RGL1: variants seen among roughly 807,000 people sequenced by gnomAD.
RGL1 encodes the protein ral guanine nucleotide dissociation stimulator like 1, also known as ral guanine nucleotide dissociation stimulator-like 1.
Under a neutral mutation model 95.2 loss-of-function variants are expected in RGL1, and 24 were observed. The ratio of observed to expected loss-of-function variants is 0.25; its 90% CI spans 0.18 to 0.35. The LOEUF (loss-of-function observed/expected upper bound fraction) is 0.35, where lower values mean the gene tolerates loss of function less well. Among genes scored for constraint, RGL1 ranks in the 10% least tolerant of loss-of-function variants. The pLI is 1.00. For synonymous variants in RGL1, 329 were observed against 344.9 expected (o/e 0.95, Z 0.51); for missense variants, 715 against 936.3 (o/e 0.76, Z 3.08).
chr1:183,848,984 A>G (rs559812797), intron 3 of RGL1, among the ~76,000 whole-genome samples: 1 of 152,300 alleles, frequency 6.6e-6, no homozygotes, highest in East Asian at 1.9e-4. Context: ...TATGTCATAT[A>G]TATGATATGT....
chr1:183,824,155 T>C (rs560675379), intron 2 of RGL1, among the ~76,000 whole-genome samples: 40 of 152,166 alleles, frequency 2.6e-4, no homozygotes, highest in Non-Finnish European at 4.7e-4. Context: ...AAATCTGGGA[T>C]TTTGGGAACA....
At chr1:183,905,811 G>A (rs578237175) in intron 13 of RGL1, among the ~76,000 whole-genome samples, 23 of 152,078 alleles carry the variant, frequency 1.5e-4, no homozygotes, top group African/African-American at 4.1e-4. Flanking sequence ...TGATTGGGGT[G>A]GGGGGGAACA....
Position 183,763,202 on chromosome 1 carries a change from A to G in RGL1, c.132+20913A>G, listed in dbSNP as rs948076620. On this transcript the variant is annotated intron_variant, in intron 2 of 18. Coordinates refer to the RGL1 transcript ENST00000304685. ...GGAGCTGAACAATGAGAACACAGGG[A>G]CACAGGGAGGGGAACATCACACACT... Among the ~76,000 whole-genome samples the G allele has an allele frequency of 3.9e-5, 6 of 152,294 alleles. No homozygotes were observed. The East Asian group carries it at 1.2e-3, about 29-fold the overall frequency.
At chr1:183,646,258 T>C (rs1252062004) in intron 1 of RGL1, 2 of 152,230 alleles carry the variant, frequency 1.3e-5, no homozygotes, top group African/African-American at 4.8e-5. Flanking sequence ...TTAAAATTTG[T>C]ATGCTAACAA....
intron 1 of RGL1, among the ~76,000 whole-genome samples, chr1:183,711,530 G>A (rs1373977430): frequency 1.3e-5 from 2 of 152,122 alleles, no homozygotes; most frequent in African/African-American, 4.8e-5. Flanking sequence ...CACTCTTACT[G>A]GGTCTTTCCA....
chr1:183,801,881 ACTCACACAATAC>A (rs1346326845), upstream of RGL1, among the ~76,000 whole-genome samples: 3 of 152,194 alleles, frequency 2.0e-5, no homozygotes, highest in Non-Finnish European at 4.4e-5. Context: ...TAAAGTGAGA[ACTCACACAATAC>A]CTTGAGGATG....
chr1:183,751,745 G>T (rs988827773), intron 2 of RGL1, among the ~76,000 whole-genome samples: 1 of 152,170 alleles, frequency 6.6e-6, no homozygotes, highest in South Asian at 2.1e-4. Context: ...TAGTATCTGG[G>T]CCAGAGAGCA....
At chr1:183,814,869 A>G (rs990494113) in intron 2 of RGL1, among the ~76,000 whole-genome samples, 4 of 152,236 alleles carry the variant, frequency 2.6e-5, no homozygotes, top group African/African-American at 9.6e-5. Flanking sequence ...TCTGTGGACA[A>G]TATTTATCTA....
intron 10 of RGL1, among the ~76,000 whole-genome samples, chr1:183,898,275 G>A (rs1015126106): frequency 6.6e-6 from 1 of 152,152 alleles, no homozygotes; most frequent in Non-Finnish European, 1.5e-5. Context: ...GTCAGCTTCT[G>A]ATACATGGTG....
chr1:183,836,804 C>T (rs1663694393), intron 2 of RGL1, among the ~76,000 whole-genome samples: 1 of 152,148 alleles, frequency 6.6e-6, no homozygotes, highest in Admixed American at 6.5e-5. Flanking sequence ...AAAGCTACAT[C>T]TTACATCTGA....
chr1:183,847,591 G>T lies in RGL1; in HGVS notation c.164G>T (p.Gly55Val), dbSNP rs1029800427. 1.2e-6 allele frequency: 2 copies of T among 1,613,946 alleles called. No homozygotes were observed. The highest frequency in any genetic ancestry group is 2.7e-5 in the African/African-American group (2 of 74,918). ...LGVEGDQLPPGHTVSQYETCK... is the reference protein window; with the variant it reads ...LGVEGDQLPPVHTVSQYETCK... ...GTTGAAGGGGACCAGCTGCCTCCAG[G>T]ACACACAGTCAGTCAATATGAAACC... Residue 55 changes from glycine to valine, a missense_variant, in exon 3 of 18, where the codon GGA becomes GTA. Transcript: ENST00000360851.
chr1:183,676,645 A>G (rs1211344001), intron 1 of RGL1, among the ~76,000 whole-genome samples: 1 of 149,626 alleles, frequency 6.7e-6, no homozygotes, highest in Non-Finnish European at 1.5e-5. Flanking sequence ...ATTTTAATGC[A>G]GCCTGAAGTG....
At chr1:183,860,805 T>C (rs1322254462) in intron 3 of RGL1, among the ~76,000 whole-genome samples, 1 of 152,212 alleles carries the variant, frequency 6.6e-6, no homozygotes, top group Non-Finnish European at 1.5e-5. Context: ...ACAGAGACTT[T>C]GGTTTGTTTG....
At chr1:183,684,969 T>C (rs1156674021) in intron 1 of RGL1, among the ~76,000 whole-genome samples, 2 of 152,222 alleles carry the variant, frequency 1.3e-5, no homozygotes, top group Non-Finnish European at 2.9e-5. Context: ...CAGTTGGAAA[T>C]GCAGAAAATC....
intron 1 of RGL1, among the ~76,000 whole-genome samples, chr1:183,735,133 T>A (rs1466603050): frequency 6.6e-6 from 1 of 152,162 alleles, no homozygotes; most frequent in Non-Finnish European, 1.5e-5. Flanking sequence ...AGTATGTGGT[T>A]TGAAGACCAG....
At chr1:183,920,926 A>G (rs1241125863) in intron 16 of RGL1, among the ~76,000 whole-genome samples, 2 of 152,144 alleles carry the variant, frequency 1.3e-5, no homozygotes, top group Non-Finnish European at 2.9e-5. Context: ...TCAGGCACAC[A>G]ATGGCAGTTT....
intron 16 of RGL1, among the ~76,000 whole-genome samples, chr1:183,921,591 T>C (rs930752305): frequency 6.6e-6 from 1 of 152,266 alleles, no homozygotes; most frequent in African/African-American, 2.4e-5. Flanking sequence ...AGTAGGATTC[T>C]ATTATGAATA....
Position 183,892,121 on chromosome 1 carries a change from A to C in RGL1, c.1100A>C (p.Asp367Ala). The change falls in exon 9 of 18, where the codon GAC becomes GCC. Residue 367 changes from aspartate (D) to alanine (A), a missense_variant. Asp to Ala is a moderately radical substitution (Grantham distance 126, BLOSUM62 -2). This residue lies in a region of RGL1 where 381 missense variants were observed against 484.8 expected (regional missense o/e 0.79). Transcript: ENST00000360851. ...GAAGAACTTTCAGATATCTTCTCAG[A>C]CCATAATAACCATTTGACCAGCCGA... ...MFEELSDIFSDHNNHLTSREL... is the reference protein window; with the variant it reads ...MFEELSDIFSAHNNHLTSREL... The C allele has an allele frequency of 1.2e-6, 2 of 1,612,944 alleles. No homozygotes were observed. The highest frequency in any genetic ancestry group is 1.7e-6 in the Non-Finnish European group (2 of 1,179,376).
At chr1:183,668,900 A>T in intron 1 of RGL1, among the ~76,000 whole-genome samples, 1 of 144,122 alleles carries the variant, frequency 6.9e-6, no homozygotes, top group African/African-American at 2.6e-5. Flanking sequence ...TTTTATTTTC[A>T]GTCTGTTTTC....
Sources: gnomAD v4.1 joint callset for allele counts (sites outside exome capture counted in the v4.1 genomes callset) on GRCh38, gnomAD v4.1.1 for gene constraint, gnomAD v4.1.1 regional missense constraint, MANE v1.5 for transcripts, NCBI Gene and HGNC (gene_info 2026-07-23, HGNC 2026-07-21) for gene names.